The following GRIA4 variants were observed in gnomAD, a reference collection of about 807,000 sequenced individuals.
GRIA4 encodes the protein glutamate receptor 4.
In GRIA4, 34 loss-of-function variants were observed where a neutral mutation model predicts 104.0. The ratio of observed to expected loss-of-function variants is 0.33; its 90% CI spans 0.25 to 0.44. The LOEUF is 0.44. GRIA4 is among the 20% of genes least tolerant of loss of function. The probability of loss-of-function intolerance (pLI) is 1.00; values close to 1 mark genes in which losing one functional copy is unlikely to be tolerated. For missense variants in GRIA4, 750 were observed against 1,096.5 expected, an observed-to-expected ratio of 0.68 and a Z score of 4.46; for synonymous variants, 386 against 381.9, an observed-to-expected ratio of 1.01 and a Z score of -0.13.
At chr11:105,666,572 A>G (rs1447201320) in intron 3 of GRIA4, among the ~76,000 whole-genome samples, 1 of 151,968 alleles carries the variant, frequency 6.6e-6, no homozygotes, top group Non-Finnish European at 1.5e-5. Context: ...TTAGTAAATG[A>G]TTATTATATT....
chr11:105,925,675 A>G (rs192720012), intron 12 of GRIA4, among the ~76,000 whole-genome samples: 2 of 152,238 alleles, frequency 1.3e-5, no homozygotes, highest in Admixed American at 6.6e-5. Flanking sequence ...AAAACTTTCA[A>G]TTAATGAACT....
chr11:105,762,167 G>T (rs1257563821), intron 4 of GRIA4, among the ~76,000 whole-genome samples: 2 of 152,040 alleles, frequency 1.3e-5, no homozygotes, highest in African/African-American at 4.8e-5. Context: ...GGGATTACAG[G>T]CAACCGCCAT....
chr11:105,880,335 G>A (rs2136078537), intron 5 of GRIA4, among the ~76,000 whole-genome samples: 1 of 152,362 alleles, frequency 6.6e-6, no homozygotes, highest in Admixed American at 6.5e-5. Flanking sequence ...ATGATAGGCA[G>A]AGAGAAGGAT....
intron 14 of GRIA4, among the ~76,000 whole-genome samples, chr11:105,963,244 G>T (rs994639547): frequency 1.3e-5 from 2 of 151,998 alleles, no homozygotes; most frequent in Non-Finnish European, 2.9e-5. Flanking sequence ...ATATGTCATT[G>T]ATGATTTTTA....
At chr11:105,628,856 T>C (rs1394511606) in intron 3 of GRIA4, among the ~76,000 whole-genome samples, 2 of 152,158 alleles carry the variant, frequency 1.3e-5, no homozygotes, top group African/African-American at 2.4e-5. Flanking sequence ...TTCAATATTT[T>C]TATTGAGAGG....
intron 14 of GRIA4, among the ~76,000 whole-genome samples, chr11:105,942,203 G>C (rs1948199077): frequency 6.6e-6 from 1 of 151,982 alleles, no homozygotes; most frequent in Non-Finnish European, 1.5e-5. Context: ...CCCAGGAAAA[G>C]TTGACTTCAG....
At chr11:105,893,880 T>C (rs566958129) in intron 6 of GRIA4, among the ~76,000 whole-genome samples, 1 of 152,328 alleles carries the variant, frequency 6.6e-6, no homozygotes, top group African/African-American at 2.4e-5. Context: ...AACTGACATT[T>C]TACTAGCTGG....
chr11:105,717,705 C>CT lies in GRIA4; in HGVS notation c.248-35267dup, dbSNP rs538663809. On this transcript the variant is annotated intron_variant, in intron 3 of 16. Transcript: ENST00000282499. Reference sequence around the variant, plus strand: ...GTACAGCCTTTGTTCTCTCTTTTTTCTTTTTTTTTATTTATTATTATTATA... The same window carrying CT: ...GTACAGCCTTTGTTCTCTCTTTTTTCTTTTTTTTTTATTTATTATTATTATA... 3.7e-3 allele frequency among the ~76,000 whole-genome samples: 564 copies of CT among 150,798 alleles called. 4 individuals carry two copies. Among genetic ancestry groups the CT allele is most frequent in the African/African-American group, 0.013 (535 of 41,166 alleles).
chr11:105,750,915 C>A (rs1406665640), intron 3 of GRIA4, among the ~76,000 whole-genome samples: 1 of 152,024 alleles, frequency 6.6e-6, no homozygotes, highest in African/African-American at 2.4e-5. Flanking sequence ...ATGAGTACTT[C>A]CATGGAATTT....
chr11:105,881,374 G>A (rs1266738963), intron 5 of GRIA4, among the ~76,000 whole-genome samples: 1 of 152,192 alleles, frequency 6.6e-6, no homozygotes, highest in Non-Finnish European at 1.5e-5. Context: ...CAGTTGGAAG[G>A]TGAGCAAGTA....
chr11:105,848,804 C>T (rs2135981569), intron 4 of GRIA4, among the ~76,000 whole-genome samples: 1 of 152,148 alleles, frequency 6.6e-6, no homozygotes, highest in Non-Finnish European at 1.5e-5. Context: ...TCGGAACAGG[C>T]AAGGAAGGTG....
At chr11:105,655,167 G>A (rs959638787) in intron 3 of GRIA4, among the ~76,000 whole-genome samples, 2 of 151,922 alleles carry the variant, frequency 1.3e-5, no homozygotes, top group African/African-American at 4.8e-5. Context: ...AAAAGTATTA[G>A]AATTATACTT....
chr11:105,901,763 T>C (rs1195128044), intron 7 of GRIA4, among the ~76,000 whole-genome samples: 2 of 152,224 alleles, frequency 1.3e-5, no homozygotes, highest in Non-Finnish European at 2.9e-5. Flanking sequence ...AAACGAACTT[T>C]TTAAAACACA....
At chr11:105,695,936 A>T (rs148566715) in intron 3 of GRIA4, among the ~76,000 whole-genome samples, 6 of 152,308 alleles carry the variant, frequency 3.9e-5, no homozygotes, top group Non-Finnish European at 8.8e-5. Flanking sequence ...CCCCTTGTTA[A>T]AAAGTCTGTA....
chr11:105,932,788 G>A (rs973577144), intron 13 of GRIA4, among the ~76,000 whole-genome samples: 8 of 152,066 alleles, frequency 5.3e-5, no homozygotes, highest in African/African-American at 1.9e-4. Context: ...AATCAACCTA[G>A]AGTTTGATTC....
intron 10 of GRIA4, among the ~76,000 whole-genome samples, chr11:105,915,039 C>T (rs962417655): frequency 7.2e-5 from 11 of 151,992 alleles, no homozygotes; most frequent in African/African-American, 2.4e-4. Context: ...GGAGGTTGGG[C>T]GAATGTTGAG....
chr11:105,629,109 C>T (rs1455353437), intron 3 of GRIA4, among the ~76,000 whole-genome samples: 2 of 149,510 alleles, frequency 1.3e-5, no homozygotes, highest in African/African-American at 4.9e-5. Context: ...GCGTGGCTGC[C>T]ACTGCTATAT....
At chr11:105,867,913 C>T (rs1257681017) in intron 5 of GRIA4, among the ~76,000 whole-genome samples, 2 of 152,174 alleles carry the variant, frequency 1.3e-5, no homozygotes, top group African/African-American at 4.8e-5. Context: ...CAGCTCTGCA[C>T]TTGACACCTC....
Position 105,933,923 on chromosome 11 carries a change from G to T in GRIA4, c.2248G>T (p.Asp750Tyr). ...CDTMKVGGNL[D>Y]SKGYGVATPK... is the part of the protein sequence containing the mutation. Reference sequence around the variant, plus strand: ...CACGATGAAAGTGGGAGGAAATCTGGATTCCAAAGGCTATGGAGTAGCAAC... The same window carrying T: ...CACGATGAAAGTGGGAGGAAATCTGTATTCCAAAGGCTATGGAGTAGCAAC... The change falls in exon 14 of 17, where the codon GAT becomes TAT. Residue 750 changes from aspartate (D) to tyrosine (Y), a missense_variant. Around this residue, in one of 3 missense-constraint regions of GRIA4, gnomAD observed 272 missense variants for 524.5 expected, o/e 0.52. Coordinates refer to ENST00000282499, the MANE Select transcript of GRIA4 (RefSeq NM_000829.4). 6.2e-7 allele frequency: 1 copy of T among 1,613,284 alleles called. No individual in the cohort carries two copies. Among genetic ancestry groups the T allele is most frequent in the Non-Finnish European group, 8.5e-7 (1 of 1,179,392 alleles).
Sources: gnomAD v4.1 joint callset for allele counts (sites outside exome capture counted in the v4.1 genomes callset) on GRCh38, gnomAD v4.1.1 for gene constraint, gnomAD v4.1.1 regional missense constraint, MANE v1.5 for transcripts, NCBI Gene and HGNC (gene_info 2026-07-23, HGNC 2026-07-21) for gene names.